RASAL1: variants seen among roughly 807,000 people sequenced by gnomAD.
RASAL1 encodes RAS protein activator like 1.
A neutral mutation model predicts 96.6 loss-of-function variants in RASAL1; 72 were observed. The observed-to-expected ratio is 0.75, with a 90% CI of 0.62 to 0.91. RASAL1 has a LOEUF of 0.91. RASAL1 is among the 40% of genes least tolerant of loss of function. The probability of loss-of-function intolerance (pLI) is 0.00; values close to 1 mark genes in which losing one functional copy is unlikely to be tolerated. For synonymous variants in RASAL1, 405 were observed against 430.4 expected (o/e 0.94, Z 0.73); for missense variants, 1,016 against 1,072.5 (o/e 0.95, Z 0.74).
intron 14 of RASAL1, chr12:113,107,610 G>A (rs1382566139): frequency 1.6e-5 from 7 of 439,298 alleles, no homozygotes; most frequent in Admixed American, 8.6e-5. Flanking sequence ...GTGACAGAGC[G>A]AGACTTGTCT....
At chr12:113,119,018 C>T in intron 7 of RASAL1, 110 bp downstream of exon 7, 1 of 1,341,934 alleles carries the variant, frequency 7.5e-7, no homozygotes, top group Non-Finnish European at 1.0e-6. Context: ...CCTGATGAGG[C>T]AGCTGTACAT....
intron 1 of RASAL1, among the ~76,000 whole-genome samples, chr12:113,133,874 G>C (rs921246216): frequency 6.6e-6 from 1 of 152,228 alleles, no homozygotes; most frequent in Non-Finnish European, 1.5e-5. Flanking sequence ...AAGAGCTGCA[G>C]GAACCAGGCA....
chr12:113,121,069 T>C (rs1387540466), intron 5 of RASAL1, among the ~76,000 whole-genome samples: 3 of 152,184 alleles, frequency 2.0e-5, no homozygotes, highest in African/African-American at 7.2e-5. Context: ...GGGGAGAGTC[T>C]GCCTAAGAAT....
rs772985946 is a variant in RASAL1 at position 113,104,295 on chromosome 12, A to T, written c.1834T>A (p.Cys612Ser). ...SFSKSPEWQM[C>S]HSIPVSHIRA... ...ATGTGAGACACGGGGATGGAGTGAC[A>T]CATCTGGGGAAGAGGATTGTCGCTG... Residue 612 changes from cysteine to serine, a missense_variant, in exon 17 of 21, where the codon TGT becomes AGT. Transcript: ENST00000548055. The T allele has an allele frequency of 3.8e-6, 6 of 1,562,292 alleles. No homozygotes were observed. The highest frequency in any genetic ancestry group is 2.6e-6 in the Non-Finnish European group (3 of 1,152,868).
At position 113,108,172 on chromosome 12, in the gene RASAL1, T is replaced by A. The variant is rs748129726; in HGVS notation, c.1425A>T (p.Ala475=). 1.2e-6 allele frequency: 2 copies of A among 1,613,468 alleles called. No individual in the cohort carries two copies. Among genetic ancestry groups the A allele is most frequent in the Admixed American group, 3.3e-5 (2 of 59,912 alleles). ...ACAGCTTTGGGGTAAGGATGGCAGG[T>A]GCGAAGAATCGCAAGAAGAGAAATC... The part of the protein sequence containing the change: ...ISGFLFLRFF[A]PAILTPKLFD... The change falls in exon 14 of 21, where the codon GCA becomes GCT. Residue 475 remains alanine, a synonymous_variant. Coordinates refer to ENST00000548055, the MANE Select transcript of RASAL1 (RefSeq NM_001301202.2).
At chr12:113,133,103 C>A (rs1951780586) in intron 1 of RASAL1, among the ~76,000 whole-genome samples, 2 of 152,224 alleles carry the variant, frequency 1.3e-5, no homozygotes, top group South Asian at 4.1e-4. Flanking sequence ...GGCTGGGAGA[C>A]ACACCCCCTC....
rs763079232 is a variant in RASAL1, at chr12:113,107,082, A to G, written c.1657+15T>C. ...GGGCTGAGAAGCCAGATGTGGCCGG[A>G]CCACAGGAACTCACCTTCATCCCCA... On this transcript the variant is annotated intron_variant, in intron 15 of 20. Transcript: ENST00000548055. 8 of 1,603,778 alleles carry G rather than the reference A, an allele frequency of 5.0e-6. No homozygotes were observed. Among genetic ancestry groups the G allele is most frequent in the African/African-American group, 1.3e-5 (1 of 74,588 alleles).
rs771265537 is a variant in RASAL1, at chr12:113,105,770, G to A, written c.1774C>T (p.Arg592Cys). 25 of 1,613,966 alleles carry A rather than the reference G, an allele frequency of 1.5e-5. No homozygotes were observed. The highest frequency in any genetic ancestry group is 1.2e-4 in the Admixed American group (7 of 59,996). ...GTCTCCCCGCTGAGCCAGACGTAGC[G>A]CTTCTTGAAGGCAAAGCGCGTGGCC... ...GLATRFAFKK[R>C]YVWLSGETLS... Residue 592 changes from arginine to cysteine, a missense_variant, in exon 16 of 21, where the codon CGC (arginine) becomes TGC (cysteine). Physicochemically the swap from Arg to Cys is radical, Grantham distance 180. Transcript: ENST00000548055.
upstream of RASAL1, among the ~76,000 whole-genome samples, chr12:113,136,545 A>G (rs1186385539): frequency 6.6e-6 from 1 of 152,202 alleles, no homozygotes; most frequent in Non-Finnish European, 1.5e-5. Context: ...TCAGTAACTG[A>G]TTTGCCTTCC....
chr12:113,114,767 G>T, intron 12 of RASAL1, 33 bp downstream of exon 12: 1 of 1,579,258 alleles, frequency 6.3e-7, no homozygotes, highest in South Asian at 1.1e-5. Context: ...AAAGGGGCCC[G>T]TCGGAAGGTC....
Position 113,121,611 on chromosome 12 carries a change from C to T in RASAL1, c.326G>A (p.Arg109Gln), listed in dbSNP as rs1390686605. The T allele has an allele frequency of 1.2e-5, 19 of 1,614,106 alleles. No homozygotes were observed. Among genetic ancestry groups the T allele is most frequent in the African/African-American group, 2.7e-5 (2 of 74,940 alleles). The part of the protein sequence containing the change: ...RGIDSWINLS[R>Q]VDPDAEVQGE... ...CTGCACTTCTGCATCTGGGTCCACT[C>T]GGCTCAAGTTAATCCAGCTGTCAAT... The change falls in exon 5 of 21, where the codon CGA (arginine) becomes CAA (glutamine). Residue 109 changes from arginine to glutamine, a missense_variant. Coordinates refer to ENST00000548055, the MANE Select transcript of RASAL1 (RefSeq NM_001301202.2).
At chr12:113,103,258 T>A (rs1950521934) in intron 18 of RASAL1, among the ~76,000 whole-genome samples, 1 of 149,904 alleles carries the variant, frequency 6.7e-6, no homozygotes, top group African/African-American at 2.4e-5. Context: ...TGTTATACAT[T>A]GTAATACATT....
intron 1 of RASAL1, among the ~76,000 whole-genome samples, chr12:113,132,658 G>A (rs757161928): frequency 6.6e-5 from 10 of 152,174 alleles, no homozygotes; most frequent in East Asian, 1.9e-4. Context: ...GGACATTGGC[G>A]CTAAGAGTTG....
chr12:113,106,971 T>C, intron 15 of RASAL1, 126 bp downstream of exon 15: 1 of 1,095,230 alleles, frequency 9.1e-7, no homozygotes, highest in East Asian at 2.5e-5. Flanking sequence ...TATCAGGAAA[T>C]GTTAGTTGAC....
rs1329959794 is a variant in RASAL1 at position 113,112,288 on chromosome 12, C to T, written c.1182-10G>A. 4.4e-5 allele frequency: 55 copies of T among 1,254,448 alleles called. No individual in the cohort carries two copies. The highest frequency in any genetic ancestry group is 5.4e-5 in the Non-Finnish European group (54 of 991,216). 77.7% of individuals were successfully genotyped at this position (1,254,448 alleles called of 1,614,324 possible). ...TTTGAAGGAGATCCTCCTGGAGGGG[C>T]CGGCGGAGCAGCTCAGCCTCGGGGC... On this transcript the variant is annotated splice_polypyrimidine_tract_variant and intron_variant, in intron 12 of 20. Coordinates refer to ENST00000548055, the MANE Select transcript of RASAL1 (RefSeq NM_001301202.2).
intron 7 of RASAL1, among the ~76,000 whole-genome samples, chr12:113,118,925 G>A (rs1951183823): frequency 6.6e-6 from 1 of 152,170 alleles, no homozygotes; most frequent in Non-Finnish European, 1.5e-5. Context: ...TCTTGGATAG[G>A]TTCCTGTACC....
At chr12:113,102,829 C>T (rs114767140) in intron 18 of RASAL1, 2,606 of 154,364 alleles carry the variant, frequency 0.017, 69 homozygotes, top group African/African-American at 0.059. Context: ...TCTCCCGGTA[C>T]TCCTCCCTCA....
rs745853970 is a variant in RASAL1 at position 113,115,209 on chromosome 12, CT to C, written c.1058del (p.Gln353ArgfsTer3). The part of the protein sequence containing the change: ...SNSLASKSME[Q>X]FMKLVGMPYL... ...GCCTTCACCTACTCACCTTCATAAA[CT>C]GTTCCATCGACTTGGATGCCAGGGA... On this transcript the variant is annotated frameshift_variant, in exon 11 of 21. Coordinates refer to ENST00000548055, the MANE Select transcript of RASAL1 (RefSeq NM_001301202.2). LOFTEE classifies it high-confidence loss of function. This position sits in a 1 kb window ranked among gnomAD's most constrained non-coding sequence, Gnocchi z 4.1. 1 of 1,613,656 alleles carries C rather than the reference CT, an allele frequency of 6.2e-7. No individual in the cohort carries two copies. Among genetic ancestry groups the C allele is most frequent in the East Asian group, 2.2e-5 (1 of 44,884 alleles).
At chr12:113,104,336 G>A (rs1249191304) in intron 16 of RASAL1, 38 bp from the exon 17 acceptor site, 2 of 1,532,134 alleles carry the variant, frequency 1.3e-6, no homozygotes, top group East Asian at 2.5e-5. Context: ...TGGGCTGGGG[G>A]CTAGGGCCGG....
Sources: allele counts gnomAD v4.1 joint callset (sites outside exome capture counted in the v4.1 genomes callset), GRCh38; gene constraint gnomAD v4.1.1; non-coding constraint Gnocchi (gnomAD v3.1); transcripts MANE v1.5; gene names NCBI Gene and HGNC (gene_info 2026-07-23, HGNC 2026-07-21).